The following TNFRSF10B variants were observed in gnomAD, a reference collection of about 807,000 sequenced individuals.
TNFRSF10B encodes the protein TNF receptor superfamily member 10b.
TNFRSF10B carries 35 observed loss-of-function variants against 41.4 expected under a neutral mutation model. The ratio of observed to expected loss-of-function variants is 0.85; its 90% CI spans 0.65 to 1.12. TNFRSF10B has a LOEUF of 1.12. TNFRSF10B is among the 50% of genes most tolerant of loss of function. The pLI is 0.00. For synonymous variants in TNFRSF10B, 230 were observed against 215.5 expected (o/e 1.07, Z -0.59); for missense variants, 584 against 552.7 (o/e 1.06, Z -0.57).
rs779636261 is a variant in TNFRSF10B at position 23,043,196 on chromosome 8, C to T, written c.192G>A (p.Gln64=). ...TCTTTTGTTGTGGGGCCGCTCTCTG[C>T]TGGGGAGCTAGGTCTTGTTGGGTGA... ...ALITQQDLAP[Q]QRAAPQQKRS... is the part of the protein sequence containing the mutation. The change falls in exon 2 of 9, where the codon CAG becomes CAA. Residue 64 remains glutamine (Q), a synonymous_variant. Coordinates refer to ENST00000276431, the MANE Select transcript of TNFRSF10B (RefSeq NM_003842.5). The T allele has an allele frequency of 1.2e-6, 2 of 1,614,110 alleles. No individual in the cohort carries two copies. The highest frequency in any genetic ancestry group is 1.7e-6 in the Non-Finnish European group (2 of 1,180,010).
rs1563301127 is a variant in TNFRSF10B, at chr8:23,020,397, A to G, written c.*2274T>C. The G allele has an allele frequency of 4.4e-6, 2 of 454,106 alleles. No individual in the cohort carries two copies. The highest frequency in any genetic ancestry group is 8.8e-6 in the Non-Finnish European group (2 of 226,784). 28.1% of individuals were successfully genotyped at this position (454,106 alleles called of 1,614,324 possible). ...ATTATTTCATGTCGTCAGGAAGCTT[A>G]CTTTAAAAGAATAGCTTGGCCTGGC... On this transcript the variant is annotated 3_prime_UTR_variant, in exon 9 of 9. Coordinates refer to ENST00000276431, the MANE Select transcript of TNFRSF10B (RefSeq NM_003842.5).
chr8:23,068,633 G>C (rs1813072743), intron 1 of TNFRSF10B, 118 bp downstream of exon 1: 2 of 1,447,526 alleles, frequency 1.4e-6, no homozygotes, highest in Non-Finnish European at 1.8e-6. Flanking sequence ...GTCTTGCCCG[G>C]ACATGCCCGG....
chr8:23,046,128 A>G (rs1477846603), intron 1 of TNFRSF10B, among the ~76,000 whole-genome samples: 1 of 152,220 alleles, frequency 6.6e-6, no homozygotes, highest in African/African-American at 2.4e-5. Context: ...AGGTATTCAA[A>G]TAGAAAAGGA....
Position 23,027,771 on chromosome 8 carries a change from T to A in TNFRSF10B, c.749-18A>T. 2.5e-6 allele frequency: 4 copies of A among 1,613,704 alleles called. No homozygotes were observed. The highest frequency in any genetic ancestry group is 3.4e-6 in the Non-Finnish European group (4 of 1,179,928). ...ACCACCACCTAAAAAAGAAGCAGTC[T>A]CCTTAGCAGGAAGGGAGGGGCCCAT... On this transcript the variant is annotated intron_variant, in intron 5 of 8. Transcript: ENST00000276431.
At chr8:23,028,981 T>C (rs1466414465) in intron 4 of TNFRSF10B, among the ~76,000 whole-genome samples, 5 of 152,140 alleles carry the variant, frequency 3.3e-5, no homozygotes, top group Non-Finnish European at 5.9e-5. Flanking sequence ...AAAAGTGAGC[T>C]CTTGTCCCCA....
chr8:23,043,150 A>T lies in TNFRSF10B; in HGVS notation c.238T>A (p.Leu80Met), dbSNP rs1047453628. Residue 80 changes from leucine to methionine, a missense_variant, in exon 2 of 9, where the codon TTG becomes ATG. Transcript: ENST00000276431. The stretch of plus-strand genomic sequence containing the variant: ...ATCTTGAACATACCAGGTGGACACA[A>T]TCCCTCTGAGGGGCTGGACCTCTTT... Reference protein sequence around the residue: ...QQKRSSPSEGLCPPGHHISED... With the variant: ...QQKRSSPSEGMCPPGHHISED... 8 of 1,613,980 alleles carry T rather than the reference A, an allele frequency of 5.0e-6. No homozygotes were observed. The African/African-American group carries it at 1.1e-4, about 22-fold the overall frequency.
intron 1 of TNFRSF10B, among the ~76,000 whole-genome samples, chr8:23,049,384 T>C (rs1812454953): frequency 6.6e-6 from 1 of 152,112 alleles, no homozygotes; most frequent in South Asian, 2.1e-4. Flanking sequence ...ACTGGGGGTC[T>C]GAAGAAACTC....
chr8:23,043,172 C>G lies in TNFRSF10B; in HGVS notation c.216G>C (p.Lys72Asn). Residue 72 changes from lysine (K) to asparagine (N), a missense_variant, in exon 2 of 9, where the codon AAG (lysine) becomes AAC (asparagine). Lys to Asn is a moderately conservative substitution (Grantham distance 94). Transcript: ENST00000276431. Reference sequence around the variant, plus strand: ...ACAATCCCTCTGAGGGGCTGGACCTCTTTTGTTGTGGGGCCGCTCTCTGCT... The same window carrying G: ...ACAATCCCTCTGAGGGGCTGGACCTGTTTTGTTGTGGGGCCGCTCTCTGCT... Reference protein sequence around the residue: ...APQQRAAPQQKRSSPSEGLCP... With the variant: ...APQQRAAPQQNRSSPSEGLCP... The G allele has an allele frequency of 6.2e-7, 1 of 1,614,128 alleles. No individual in the cohort carries two copies. Among genetic ancestry groups the G allele is most frequent in the Non-Finnish European group, 8.5e-7 (1 of 1,180,016 alleles).
chr8:23,030,990 C>T (rs1811867405), intron 2 of TNFRSF10B, 118 bp from the exon 3 acceptor site: 1 of 736,204 alleles, frequency 1.4e-6, no homozygotes, highest in Non-Finnish European at 2.4e-6. Flanking sequence ...GAAATCTCCT[C>T]TACCTAGCTT....
At chr8:23,048,900 C>T (rs1812440649) in intron 1 of TNFRSF10B, among the ~76,000 whole-genome samples, 1 of 152,012 alleles carries the variant, frequency 6.6e-6, no homozygotes, top group Non-Finnish European at 1.5e-5. Context: ...CTGTGCCTGG[C>T]CGTAATTTCT....
intron 5 of TNFRSF10B, chr8:23,028,127 C>A (rs1470942350): frequency 7.3e-6 from 5 of 683,274 alleles, no homozygotes; most frequent in Non-Finnish European, 1.2e-5. Flanking sequence ...ATGGGGACCC[C>A]CAGACCTGGG....
chr8:23,045,368 T>C (rs1383615825), intron 1 of TNFRSF10B, among the ~76,000 whole-genome samples: 1 of 152,134 alleles, frequency 6.6e-6, no homozygotes, highest in Non-Finnish European at 1.5e-5. Flanking sequence ...ACATACAACC[T>C]ACCAATACTG....
At chr8:23,052,285 C>CTTTTTTTTTT (rs35496059) in intron 1 of TNFRSF10B, among the ~76,000 whole-genome samples, 1 of 129,554 alleles carries the variant, frequency 7.7e-6, no homozygotes, top group African/African-American at 2.9e-5. Context: ...TAAAGGGTAA[C>CTTTTTTTTTT]TTTTTTTTTT....
rs1378678975 is a variant in TNFRSF10B at position 23,022,830 on chromosome 8, C to CT, written c.1163dup (p.Trp389ValfsTer31). 2 of 1,613,960 alleles carry CT rather than the reference C, an allele frequency of 1.2e-6. No homozygotes were observed. The highest frequency in any genetic ancestry group is 1.7e-6 in the Non-Finnish European group (2 of 1,179,994). ...CATCTCGCCCGGTTTTGTTGACCCA[C>CT]TTTATCAGCATCGTGTACAAGGTGT... is the stretch of plus-strand genomic sequence containing the variant. On this transcript the variant is annotated frameshift_variant, in exon 9 of 9. Coordinates refer to ENST00000276431, the MANE Select transcript of TNFRSF10B (RefSeq NM_003842.5). LOFTEE classifies it low-confidence loss of function (END_TRUNC).
chr8:23,062,910 G>A (rs1413675112), intron 1 of TNFRSF10B, among the ~76,000 whole-genome samples: 1 of 152,128 alleles, frequency 6.6e-6, no homozygotes, highest in Non-Finnish European at 1.5e-5. Flanking sequence ...TGCTATAGTT[G>A]TCTCAGGCAT....
At chr8:23,024,437 C>T (rs1032524868) in intron 7 of TNFRSF10B, among the ~76,000 whole-genome samples, 177 bp from the exon 8 acceptor site, 1 of 152,106 alleles carries the variant, frequency 6.6e-6, no homozygotes, top group African/African-American at 2.4e-5. Context: ...GAGGCCGATA[C>T]AGCAGTCAAT....
At chr8:23,033,292 A>G (rs921410860) in intron 2 of TNFRSF10B, among the ~76,000 whole-genome samples, 1 of 152,190 alleles carries the variant, frequency 6.6e-6, no homozygotes, top group Non-Finnish European at 1.5e-5. Flanking sequence ...GAAGAGATAA[A>G]GAACACTGGA....
intron 2 of TNFRSF10B, among the ~76,000 whole-genome samples, chr8:23,033,479 C>T (rs962283543): frequency 1.5e-4 from 22 of 149,660 alleles, no homozygotes; most frequent in Admixed American, 1.1e-3. Flanking sequence ...CCCAGCTACT[C>T]GGGAGGCTGA....
rs1387556006 is a variant in TNFRSF10B at position 23,021,994 on chromosome 8, C to G, written c.*677G>C. 1 of 452,062 alleles carries G rather than the reference C, an allele frequency of 2.2e-6. No individual in the cohort carries two copies. The highest frequency in any genetic ancestry group is 4.4e-6 in the Non-Finnish European group (1 of 225,324). 28.0% of individuals were successfully genotyped at this position (452,062 alleles called of 1,614,324 possible). ...AAAGGTAAGGCCAAGCATGGGGGCT[C>G]ACGCCTCTAATTCCACCGCTTTGGG... On this transcript the variant is annotated 3_prime_UTR_variant, in exon 9 of 9. Transcript: ENST00000276431.
Sources: allele counts gnomAD v4.1 joint callset (sites outside exome capture counted in the v4.1 genomes callset), GRCh38; gene constraint gnomAD v4.1.1; transcripts MANE v1.5; gene names NCBI Gene and HGNC (gene_info 2026-07-23, HGNC 2026-07-21).